Variants in OPCML observed in about 807,000 individuals in gnomAD.
OPCML encodes opioid-binding protein/cell adhesion molecule.
Under a neutral mutation model 37.8 loss-of-function variants are expected in OPCML, and 13 were observed. The observed-to-expected ratio is 0.34, with a 90% CI of 0.22 to 0.55. The LOEUF is 0.55. Among genes scored for constraint, OPCML ranks in the 20% least tolerant of loss-of-function variants. OPCML has a pLI of 0.91. For synonymous variants in OPCML, 176 were observed against 168.8 expected (o/e 1.04, Z -0.33); for missense variants, 341 against 435.6 (o/e 0.78, Z 1.93).
chr11:133,512,575 C>T (rs571465554), intron 1 of OPCML, among the ~76,000 whole-genome samples: 8 of 152,284 alleles, frequency 5.3e-5, no homozygotes, highest in Non-Finnish European at 1.0e-4. Context: ...CCCCTATTCC[C>T]AAATCTCAGG....
chr11:132,438,141 T>C (rs2096019406), intron 4 of OPCML, among the ~76,000 whole-genome samples: 1 of 152,244 alleles, frequency 6.6e-6, no homozygotes. Context: ...GCAAAATTTG[T>C]ATTGCTTTTA....
At chr11:132,506,925 T>G (rs7105328) in intron 4 of OPCML, among the ~76,000 whole-genome samples, 30,358 of 151,764 alleles carry the variant, frequency 0.2, 3,127 homozygotes, top group Non-Finnish European at 0.22. Flanking sequence ...AGGCTTCAGT[T>G]GGATTAAAAA....
chr11:132,437,071 G>A (rs577872049), intron 5 of OPCML, 151 bp downstream of exon 5: 57 of 1,347,482 alleles, frequency 4.2e-5, no homozygotes, highest in Middle Eastern at 2.8e-4. Context: ...CAAATGGCAC[G>A]GAGGCCATGG....
intron 2 of OPCML, among the ~76,000 whole-genome samples, chr11:132,780,877 C>T (rs1044889165): frequency 1.1e-4 from 17 of 151,990 alleles, no homozygotes; most frequent in African/African-American, 2.4e-4. Context: ...TTTCTGATTA[C>T]GGGGACTTGT....
chr11:132,510,229 C>T (rs116800326), intron 4 of OPCML, among the ~76,000 whole-genome samples: 3,742 of 152,188 alleles, frequency 0.025, 144 homozygotes, highest in African/African-American at 0.086. Context: ...AGTATCTGTA[C>T]CCCCATCGTA....
intron 1 of OPCML, among the ~76,000 whole-genome samples, chr11:133,162,715 C>T (rs892632985): frequency 1.3e-5 from 2 of 149,580 alleles, no homozygotes; most frequent in East Asian, 2.0e-4. Context: ...TTGTGTCAGC[C>T]GGAAAGATAG....
At chr11:132,841,484 C>T (rs1941283877) in intron 2 of OPCML, among the ~76,000 whole-genome samples, 1 of 152,150 alleles carries the variant, frequency 6.6e-6, no homozygotes, top group Admixed American at 6.5e-5. Context: ...TCAATCAAAA[C>T]ATTCAAAGAT....
intron 2 of OPCML, among the ~76,000 whole-genome samples, chr11:132,845,531 G>T (rs530790635): frequency 6.6e-6 from 1 of 152,278 alleles, no homozygotes; most frequent in East Asian, 1.9e-4. Context: ...TAGCTATGGG[G>T]AGGGATTAGC....
chr11:132,575,856 T>C (rs1487485887), intron 3 of OPCML, among the ~76,000 whole-genome samples: 1 of 152,114 alleles, frequency 6.6e-6, no homozygotes, highest in Non-Finnish European at 1.5e-5. Context: ...GCTTTATTTT[T>C]GTCTGAAAAC....
intron 3 of OPCML, among the ~76,000 whole-genome samples, chr11:132,547,056 A>T (rs1473066631): frequency 1.3e-5 from 2 of 152,234 alleles, no homozygotes; most frequent in African/African-American, 4.8e-5. Context: ...CATAAAGGCC[A>T]CTTTAAAAAT....
At chr11:133,038,661 C>T (rs1247866731) in intron 1 of OPCML, among the ~76,000 whole-genome samples, 3 of 152,108 alleles carry the variant, frequency 2.0e-5, no homozygotes, top group Non-Finnish European at 4.4e-5. Flanking sequence ...AGGTTAAGTA[C>T]ATATCCCAAG....
chr11:133,502,661 T>C (rs1278781593), intron 1 of OPCML, among the ~76,000 whole-genome samples: 1 of 152,232 alleles, frequency 6.6e-6, no homozygotes, highest in African/African-American at 2.4e-5. Flanking sequence ...AATCTGAGAA[T>C]GTTGTAGCCA....
intron 3 of OPCML, among the ~76,000 whole-genome samples, chr11:132,595,992 TTA>T (rs1242790611): frequency 6.6e-6 from 1 of 152,186 alleles, no homozygotes; most frequent in African/African-American, 2.4e-5. Flanking sequence ...ATACATTGTT[TTA>T]GTTAAAAGAA....
intron 2 of OPCML, among the ~76,000 whole-genome samples, chr11:132,712,965 C>A (rs1277521155): frequency 2.6e-5 from 4 of 152,204 alleles, no homozygotes; most frequent in East Asian, 1.9e-4. Flanking sequence ...CAGTGGGCTG[C>A]GTTTACACAA....
At chr11:132,824,183 C>G (rs1940158848) in intron 2 of OPCML, among the ~76,000 whole-genome samples, 1 of 152,192 alleles carries the variant, frequency 6.6e-6, no homozygotes, top group Non-Finnish European at 1.5e-5. Flanking sequence ...ATCACTCATG[C>G]CTCTTCAAAA....
chr11:133,493,125 G>T (rs1947701949), intron 1 of OPCML, among the ~76,000 whole-genome samples: 1 of 152,220 alleles, frequency 6.6e-6, no homozygotes, highest in Non-Finnish European at 1.5e-5. Context: ...ACAAGCGCAG[G>T]ATTGAGGAGC....
chr11:133,024,229 G>A (rs1490180429), intron 1 of OPCML: 3 of 386,692 alleles, frequency 7.8e-6, no homozygotes, highest in African/African-American at 6.6e-5. Context: ...ACCAACCTCA[G>A]GCAGGTTGGT....
At chr11:133,021,989 ATTAAG>A (rs1947464698) in intron 1 of OPCML, among the ~76,000 whole-genome samples, 1 of 152,212 alleles carries the variant, frequency 6.6e-6, no homozygotes, top group Admixed American at 6.5e-5. Flanking sequence ...AAGTAAAACC[ATTAAG>A]TTAAGTCCTG....
chr11:132,589,887 T>C (rs1389486133), intron 3 of OPCML, among the ~76,000 whole-genome samples: 1 of 152,224 alleles, frequency 6.6e-6, no homozygotes, highest in East Asian at 1.9e-4. Flanking sequence ...GAGTAACTAG[T>C]ACAGTCTAAG....
Sources: gnomAD v4.1 joint callset for allele counts (sites outside exome capture counted in the v4.1 genomes callset) on GRCh38, gnomAD v4.1.1 for gene constraint, MANE v1.5 for transcripts, NCBI Gene and HGNC (gene_info 2026-07-23, HGNC 2026-07-21) for gene names.